MS4A6E: variants seen among roughly 807,000 people sequenced by gnomAD.
MS4A6E encodes the protein membrane-spanning 4-domains subfamily A member 6E.
MS4A6E carries 8 observed loss-of-function variants against 13.2 expected under a neutral mutation model. The ratio of observed to expected loss-of-function variants is 0.60; its 90% CI spans 0.35 to 1.09. The LOEUF (loss-of-function observed/expected upper bound fraction) is 1.09. Among genes scored for constraint, MS4A6E ranks in the 50% least tolerant of loss-of-function variants. The probability of loss-of-function intolerance (pLI) is 0.02; values close to 1 mark genes in which losing one functional copy is unlikely to be tolerated. For synonymous variants in MS4A6E, 72 were observed against 67.6 expected (o/e 1.06, Z -0.32); for missense variants, 177 against 171.1 (o/e 1.03, Z -0.19).
chr11:60,338,707 G>A (rs1437048282), intron 3 of MS4A6E: 1 of 152,136 alleles, frequency 6.6e-6, no homozygotes, highest in Non-Finnish European at 1.5e-5. Flanking sequence ...AGGAAAACAG[G>A]CAACATAAAA....
chr11:60,336,857 G>T (rs1456002991), intron 2 of MS4A6E, among the ~76,000 whole-genome samples: 4 of 152,072 alleles, frequency 2.6e-5, no homozygotes, highest in Non-Finnish European at 4.4e-5. Flanking sequence ...GTGTGAGTTG[G>T]AGTAAAGGAA....
At chr11:60,333,953 C>T (rs1039567302) in intron 1 of MS4A6E, among the ~76,000 whole-genome samples, 11 of 152,240 alleles carry the variant, frequency 7.2e-5, no homozygotes, top group Non-Finnish European at 1.3e-4. Flanking sequence ...TAGAAAAAGT[C>T]GTGGCATTTT....
In MS4A6E at chr11:60,335,164, G is replaced by A; in HGVS notation, c.147+122G>A. 4.4e-6 allele frequency: 6 copies of A among 1,361,188 alleles called. No homozygotes were observed. In the African/African-American group the frequency reaches 8.8e-5, roughly 20 times the overall value. The allele number at this position is 1,361,188 out of a possible 1,614,324, so 84.3% of individuals were successfully genotyped here. On this transcript the variant is annotated intron_variant, in intron 2 of 4. Coordinates refer to ENST00000684409, the MANE Select transcript of MS4A6E (RefSeq NM_139249.4). ...CTTAAGTTTTGCTGGAGGGACTTTG[G>A]GGTAGAAGCCACTTGGAGAAAACTG... is the stretch of plus-strand genomic sequence containing the variant.
chr11:60,330,019 G>A lies in MS4A6E; in HGVS notation c.-15+2611G>A, dbSNP rs1320781152. ...TTGTTGTATTTTTAGTAGAGATGGGGTTTCACCGTGTTAGCCAGGCTGGTT... is the reference window on the plus strand; with the variant it reads ...TTGTTGTATTTTTAGTAGAGATGGGATTTCACCGTGTTAGCCAGGCTGGTT... On this transcript the variant is annotated intron_variant, in intron 1 of 4. Transcript: ENST00000684409. 2.7e-5 allele frequency among the ~76,000 whole-genome samples: 4 copies of A among 150,082 alleles called. 1 individual carries two copies. Among genetic ancestry groups the A allele is most frequent in the African/African-American group, 9.9e-5 (4 of 40,406 alleles).
At position 60,339,846 on chromosome 11, in the gene MS4A6E, T is replaced by C. The variant is rs1172941029; in HGVS notation, c.355-20T>C. The stretch of plus-strand genomic sequence containing the variant: ...TCGGCTGACCCAAGCATCACTGATA[T>C]TTTATTTCTTGACTTTCAGGGAACT... On this transcript the variant is annotated intron_variant, in intron 3 of 4. Transcript: ENST00000684409. 1.2e-5 allele frequency: 19 copies of C among 1,610,218 alleles called. No homozygotes were observed. In the African/African-American group the frequency reaches 1.6e-4, roughly 14 times the overall value.
chr11:60,345,017 C>T (rs930244867), downstream of MS4A6E, among the ~76,000 whole-genome samples: 5 of 152,086 alleles, frequency 3.3e-5, no homozygotes, highest in African/African-American at 9.7e-5. Context: ...TCACTGCAAG[C>T]TCCACCTCCT....
At chr11:60,336,070 AGT>A (rs1294827834) in intron 2 of MS4A6E, among the ~76,000 whole-genome samples, 1 of 152,222 alleles carries the variant, frequency 6.6e-6, no homozygotes, top group African/African-American at 2.4e-5. Flanking sequence ...AGTCAGAGAG[AGT>A]GCCCAGAAAA....
downstream of MS4A6E, among the ~76,000 whole-genome samples, chr11:60,342,050 C>T (rs1226374409): frequency 6.6e-6 from 1 of 152,016 alleles, no homozygotes. Flanking sequence ...ATTTCGCTAA[C>T]TGTTATTTGA....
At chr11:60,336,766 G>C (rs1394526659) in intron 2 of MS4A6E, among the ~76,000 whole-genome samples, 2 of 152,130 alleles carry the variant, frequency 1.3e-5, no homozygotes, top group Non-Finnish European at 2.9e-5. Context: ...ACACTCTACT[G>C]TATGGCTGTG....
intron 3 of MS4A6E, among the ~76,000 whole-genome samples, chr11:60,339,080 A>G (rs1379016750): frequency 6.6e-6 from 1 of 152,208 alleles, no homozygotes; most frequent in South Asian, 2.1e-4. Context: ...TGTATCTTCT[A>G]TTTAACTGTG....
intron 2 of MS4A6E, among the ~76,000 whole-genome samples, chr11:60,336,457 G>C (rs2085189212): frequency 6.6e-6 from 1 of 152,116 alleles, no homozygotes; most frequent in South Asian, 2.1e-4. Context: ...GAACATGCAG[G>C]AAGCTCAAGG....
downstream of MS4A6E, among the ~76,000 whole-genome samples, chr11:60,343,626 G>T (rs1439001567): frequency 6.6e-6 from 1 of 152,184 alleles, no homozygotes; most frequent in Non-Finnish European, 1.5e-5. Context: ...CTGCAAATAT[G>T]TGTTAAAAAG....
In MS4A6E at chr11:60,337,967, G is replaced by A. The variant is rs2085200119; in HGVS notation, c.354+20G>A. ...CTGGCTGTAAGTATTTTTTAGATGG[G>A]ATGTTCTAATTTTATGAGGTTTCTG... On this transcript the variant is annotated intron_variant, in intron 3 of 4. Coordinates refer to ENST00000684409, the MANE Select transcript of MS4A6E (RefSeq NM_139249.4). 1 of 1,601,954 alleles carries A rather than the reference G, an allele frequency of 6.2e-7. No homozygotes were observed. The highest frequency in any genetic ancestry group is 8.5e-7 in the Non-Finnish European group (1 of 1,170,074).
intron 1 of MS4A6E, among the ~76,000 whole-genome samples, 174 bp downstream of exon 1, chr11:60,327,582 C>T (rs1240026853): frequency 6.6e-6 from 1 of 152,120 alleles, no homozygotes; most frequent in Admixed American, 6.5e-5. Context: ...TAGTCTCTAA[C>T]AGACGATTCT....
At chr11:60,337,593 C>T (rs2085195287) in intron 2 of MS4A6E, 148 bp from the exon 3 acceptor site, 10 of 902,168 alleles carry the variant, frequency 1.1e-5, no homozygotes, top group Admixed American at 5.4e-5. Context: ...TTTGGCTGGA[C>T]ACTGGAGAGG....
At chr11:60,331,296 T>TGGGG (rs2085154483) in intron 1 of MS4A6E, among the ~76,000 whole-genome samples, 1 of 152,086 alleles carries the variant, frequency 6.6e-6, no homozygotes, top group South Asian at 2.1e-4. Flanking sequence ...TATTCCCTAA[T>TGGGG]TATAAAAATA....
rs1428516794 is a variant in MS4A6E, at chr11:60,334,942, C to T, written c.47C>T (p.Ser16Leu). ...AATGAGACCATCATAATGCTCCCAT[C>T]AAATGTCATCAACTTCTCCCAAGCA... ...ISNETIIMLP[S>L]NVINFSQAEK... The change falls in exon 2 of 5, where the codon TCA (serine) becomes TTA (leucine). Residue 16 changes from serine (S) to leucine (L), a missense_variant. By Grantham distance (145) the Ser-to-Leu change is moderately radical. Transcript: ENST00000684409. 1 of 1,614,162 alleles carries T rather than the reference C, an allele frequency of 6.2e-7. No individual in the cohort carries two copies.
At chr11:60,342,171 GT>G (rs2085229808), downstream of MS4A6E, among the ~76,000 whole-genome samples, 8 of 33,236 alleles carry the variant, frequency 2.4e-4, no homozygotes, top group African/African-American at 7.6e-4. Context: ...GTGTGTGTGT[GT>G]GTGTGTGAGA....
At position 60,337,746 on chromosome 11, in the gene MS4A6E, T is replaced by G; in HGVS notation, c.153T>G (p.His51Gln). 2 of 1,614,196 alleles carry G rather than the reference T, an allele frequency of 1.2e-6. No homozygotes were observed. The highest frequency in any genetic ancestry group is 1.7e-6 in the Non-Finnish European group (2 of 1,180,034). ...ACCCAGCATGTCTCTTTCAGGTGCA[T>G]AGCAGCCTGGCTGGAAGCATTCTGA... ...LQAKVKVIGVHSSLAGSILSA... is the reference protein window; with the variant it reads ...LQAKVKVIGVQSSLAGSILSA... Residue 51 changes from histidine to glutamine, a missense_variant, in exon 3 of 5, where the codon CAT becomes CAG. His to Gln is a conservative substitution (Grantham distance 24, BLOSUM62 0). Coordinates refer to ENST00000684409, the MANE Select transcript of MS4A6E (RefSeq NM_139249.4).
Sources: gnomAD v4.1 joint callset for allele counts (sites outside exome capture counted in the v4.1 genomes callset) on GRCh38, gnomAD v4.1.1 for gene constraint, MANE v1.5 for transcripts, NCBI Gene and HGNC (gene_info 2026-07-23, HGNC 2026-07-21) for gene names.